Variants in KIAA1217 observed in about 807,000 individuals in gnomAD.
KIAA1217 encodes sickle tail protein homolog.
KIAA1217 carries 88 observed loss-of-function variants against 163.9 expected under a neutral mutation model. The ratio of observed to expected loss-of-function variants is 0.54; its 90% CI spans 0.45 to 0.64. The LOEUF (loss-of-function observed/expected upper bound fraction) is 0.64, where lower values mean the gene tolerates loss of function less well. Ranked by LOEUF, KIAA1217 falls within the 30% of genes least tolerant of loss-of-function variation. The pLI is 0.00. For synonymous variants in KIAA1217, 903 were observed against 923.1 expected (o/e 0.98, Z 0.39); for missense variants, 2,372 against 2,475.0 (o/e 0.96, Z 0.88).
chr10:24,304,719 A>G (rs2041809668), intron 2 of KIAA1217, among the ~76,000 whole-genome samples: 1 of 152,112 alleles, frequency 6.6e-6, no homozygotes, highest in South Asian at 2.1e-4. Flanking sequence ...AAACTTCCTT[A>G]CACCTGTTTG....
chr10:23,726,967 TTGTATAGGCCTC>T, intron 1 of KIAA1217, among the ~76,000 whole-genome samples: 1 of 150,682 alleles, frequency 6.6e-6, no homozygotes, highest in Non-Finnish European at 1.5e-5. Flanking sequence ...TCCATGCCAT[TTGTATAGGCCTC>T]TTTTTTTTTT....
rs201205458 is a variant in KIAA1217 at position 24,546,202 on chromosome 10, G to T, written c.5710G>T (p.Val1904Phe). ...SSSPPSPASS[V>F]SLNQGAKGTR... Reference sequence around the variant, plus strand: ...CTCCCCTCCTTCTCCTGCCTCCTCCGTCTCACTGAATCAAGGTGCCAAGGG... The same window carrying T: ...CTCCCCTCCTTCTCCTGCCTCCTCCTTCTCACTGAATCAAGGTGCCAAGGG... The change falls in exon 21 of 21, where the codon GTC becomes TTC. Residue 1904 changes from valine to phenylalanine, a missense_variant. By Grantham distance (50) the Val-to-Phe change is conservative (BLOSUM62 -1). This residue lies in a region of KIAA1217 where 690 missense variants were observed against 677.5 expected (regional missense o/e 1.02). Coordinates refer to ENST00000376454, the MANE Select transcript of KIAA1217 (RefSeq NM_019590.5). 1 of 1,613,964 alleles carries T rather than the reference G, an allele frequency of 6.2e-7. No individual in the cohort carries two copies. The highest frequency in any genetic ancestry group is 2.2e-5 in the East Asian group (1 of 44,876).
intron 2 of KIAA1217, among the ~76,000 whole-genome samples, chr10:24,200,025 A>G (rs1215008777): frequency 6.6e-6 from 1 of 151,922 alleles, no homozygotes; most frequent in East Asian, 1.9e-4. Context: ...TGGGAAACCC[A>G]CAGTACACTG....
At position 23,808,844 on chromosome 10, in the gene KIAA1217, A is replaced by T. The variant is rs1161743646; in HGVS notation, c.-321+113610A>T. Among the ~76,000 whole-genome samples, 5 of 152,242 alleles carry T rather than the reference A, an allele frequency of 3.3e-5. No individual in the cohort carries two copies. The East Asian group carries it at 9.6e-4, about 29-fold the overall frequency. On this transcript the variant is annotated intron_variant, in intron 1 of 18. Coordinates refer to the KIAA1217 transcript ENST00000376462. ...TATGATAAGTAGATAATAAAATAAA[A>T]ATATAAACTCACCCAAGACCTACAA... is the stretch of plus-strand genomic sequence containing the variant.
At chr10:24,123,120 T>A (rs1431147578) in intron 2 of KIAA1217, among the ~76,000 whole-genome samples, 1 of 128,224 alleles carries the variant, frequency 7.8e-6, no homozygotes, top group Non-Finnish European at 1.6e-5. Flanking sequence ...TATCTTGGCA[T>A]TTTTACTGTG....
intron 1 of KIAA1217, among the ~76,000 whole-genome samples, chr10:23,699,927 T>A (rs1367819236): frequency 6.6e-6 from 1 of 152,242 alleles, no homozygotes; most frequent in Admixed American, 6.5e-5. Context: ...CCTAGCATAC[T>A]GTTTGGCACA....
intron 2 of KIAA1217, among the ~76,000 whole-genome samples, chr10:24,146,155 G>A (rs529039419): frequency 2.6e-5 from 4 of 152,228 alleles, no homozygotes; most frequent in South Asian, 2.1e-4. Context: ...AGGATCAACC[G>A]TTTCATATTG....
At chr10:23,778,642 TA>T (rs1388991668) in intron 1 of KIAA1217, among the ~76,000 whole-genome samples, 7 of 152,166 alleles carry the variant, frequency 4.6e-5, no homozygotes, top group African/African-American at 1.7e-4. Context: ...GGACAAAAAT[TA>T]AAGAAGCTGT....
At chr10:24,262,608 C>T (rs2075832750) in intron 2 of KIAA1217, among the ~76,000 whole-genome samples, 1 of 147,312 alleles carries the variant, frequency 6.8e-6, no homozygotes, top group Non-Finnish European at 1.5e-5. Context: ...GCCTGGGTGA[C>T]AGCGAGACTC....
chr10:24,018,907 A>G (rs1564614254), intron 2 of KIAA1217, among the ~76,000 whole-genome samples: 1 of 152,120 alleles, frequency 6.6e-6, no homozygotes, highest in Non-Finnish European at 1.5e-5. Context: ...TTGCTACAAC[A>G]TGAATAAAGG....
At chr10:23,885,742 C>T (rs1457640298) in intron 1 of KIAA1217, among the ~76,000 whole-genome samples, 3 of 151,912 alleles carry the variant, frequency 2.0e-5, no homozygotes, top group Non-Finnish European at 1.5e-5. Flanking sequence ...AGTCAACTGG[C>T]GACTGAGTTC....
intron 1 of KIAA1217, among the ~76,000 whole-genome samples, chr10:23,842,080 C>G (rs1350238577): frequency 6.6e-6 from 1 of 152,006 alleles, no homozygotes; most frequent in African/African-American, 2.4e-5. Flanking sequence ...GTTGGCCAGG[C>G]TGGTCTCAAA....
chr10:23,715,356 A>C (rs1837500006), intron 1 of KIAA1217, among the ~76,000 whole-genome samples: 1 of 152,182 alleles, frequency 6.6e-6, no homozygotes, highest in Non-Finnish European at 1.5e-5. Context: ...AAGCCAATGA[A>C]GGAAGTAAAG....
At chr10:23,955,568 G>A (rs990315689) in intron 1 of KIAA1217, among the ~76,000 whole-genome samples, 1 of 152,116 alleles carries the variant, frequency 6.6e-6, no homozygotes, top group African/African-American at 2.4e-5. Context: ...ATACAGGATG[G>A]GACTGTGCTG....
intron 6 of KIAA1217, among the ~76,000 whole-genome samples, chr10:24,477,247 G>A (rs1044791243): frequency 9.9e-5 from 15 of 152,174 alleles, no homozygotes; most frequent in African/African-American, 2.7e-4. Flanking sequence ...AGCCTTTTAT[G>A]AGCCAAGCAC....
chr10:24,538,239 AGGCCAGCTTGCTTCCCCCT>A (rs941397054), intron 17 of KIAA1217, among the ~76,000 whole-genome samples: 2 of 152,150 alleles, frequency 1.3e-5, no homozygotes, highest in African/African-American at 4.8e-5. Flanking sequence ...CTTGCCAAGG[AGGCCAGCTTGCTTCCCCCT>A]GGCTCATAAC....
chr10:24,161,491 C>T (rs1225460537), intron 2 of KIAA1217, among the ~76,000 whole-genome samples: 1 of 152,210 alleles, frequency 6.6e-6, no homozygotes, highest in African/African-American at 2.4e-5. Flanking sequence ...TATTAACACA[C>T]ACAAGACTTT....
intron 6 of KIAA1217, among the ~76,000 whole-genome samples, chr10:24,491,163 T>C (rs1420951958): frequency 1.3e-5 from 2 of 151,934 alleles, no homozygotes; most frequent in Admixed American, 6.6e-5. Context: ...CAGACTTCCA[T>C]GTGTAGATGA....
At chr10:24,160,460 G>A (rs1025547107) in intron 2 of KIAA1217, among the ~76,000 whole-genome samples, 2 of 151,744 alleles carry the variant, frequency 1.3e-5, no homozygotes, top group Non-Finnish European at 2.9e-5. Context: ...TTATCCTTAA[G>A]TATTTCAAGT....
Sources: gnomAD v4.1 joint callset for allele counts (sites outside exome capture counted in the v4.1 genomes callset) on GRCh38, gnomAD v4.1.1 for gene constraint, gnomAD v4.1.1 regional missense constraint, MANE v1.5 for transcripts, NCBI Gene and HGNC (gene_info 2026-07-23, HGNC 2026-07-21) for gene names.